The following TRAPPC2L variants were observed in gnomAD, a reference collection of about 807,000 sequenced individuals.
The protein encoded by TRAPPC2L is trafficking protein particle complex subunit 2-like protein.
Under a neutral mutation model 13.2 loss-of-function variants are expected in TRAPPC2L, and 17 were observed. The observed-to-expected ratio is 1.29, with a 90% CI of 0.88 to 1.93. The LOEUF (loss-of-function observed/expected upper bound fraction) is 1.93, where lower values mean the gene tolerates loss of function less well. Among genes scored for constraint, TRAPPC2L ranks in the 30% most tolerant of loss-of-function variants. The pLI, the probability that TRAPPC2L is intolerant of heterozygous loss-of-function variation, is 0.00. For missense variants in TRAPPC2L, 359 were observed against 252.1 expected (o/e 1.42, Z -2.87); for synonymous variants, 150 against 98.1 (o/e 1.53, Z -3.12).
At chr16:88,861,001 A>T in exon 4 of TRAPPC2L, 1 of 1,554,402 alleles carries the variant, frequency 6.4e-7, no homozygotes, top group Non-Finnish European at 8.7e-7. Context: ...CCCGCGCACG[A>T]CTGTGGTGGG....
At chr16:88,861,251 CA>C in exon 4 of TRAPPC2L, 5 of 459,920 alleles carry the variant, frequency 1.1e-5, no homozygotes, top group South Asian at 1.1e-4. Context: ...GGGGCAGAGG[CA>C]GGGGTGCCTG....
exon 4 of TRAPPC2L, chr16:88,860,293 C>T (rs1459882008): frequency 1.1e-5 from 8 of 699,600 alleles, no homozygotes; most frequent in Non-Finnish European, 1.8e-5. Flanking sequence ...CAGTGGCTTT[C>T]AGGGATCACA....
chr16:88,857,268 G>C (rs751859196), intron 1 of TRAPPC2L, 85 bp downstream of exon 1: 2 of 1,291,868 alleles, frequency 1.5e-6, no homozygotes, highest in Non-Finnish European at 1.0e-6. Flanking sequence ...GGCTTAGAAG[G>C]CACCTTAGGA....
At position 88,858,800 on chromosome 16, in the gene TRAPPC2L, C is replaced by T. The variant is rs1209396472; in HGVS notation, c.206+9C>T. On this transcript the variant is annotated intron_variant, in intron 2 of 3. Coordinates refer to ENST00000565504, the Ensembl canonical transcript of TRAPPC2L. The stretch of plus-strand genomic sequence containing the variant: ...ACGGAGGACTACAAGGTGTATCTTT[C>T]AGGGCAGGGTGTGTGTCAGGGAGGA... 6.8e-6 allele frequency: 11 copies of T among 1,611,294 alleles called. No homozygotes were observed. The highest frequency in any genetic ancestry group is 1.3e-5 in the African/African-American group (1 of 74,882).
At chr16:88,856,975 A>G, upstream of TRAPPC2L, 1 of 1,396,542 alleles carries the variant, frequency 7.2e-7, no homozygotes, top group Non-Finnish European at 9.2e-7. Flanking sequence ...CTGGACGGCC[A>G]CGTGACTCGC....
upstream of TRAPPC2L, chr16:88,856,269 G>A (rs1399736015): frequency 1.4e-6 from 1 of 703,054 alleles, no homozygotes. Flanking sequence ...CCCAGCGGGG[G>A]GACCCGGCGG....
chr16:88,858,653 A>C, exon 2 of TRAPPC2L: 1 of 1,613,418 alleles, frequency 6.2e-7, no homozygotes. Flanking sequence ...ACCCCTACGG[A>C]GAACGAGCTG....
chr16:88,860,817 G>T, exon 4 of TRAPPC2L: 1 of 1,366,798 alleles, frequency 7.3e-7, no homozygotes, highest in South Asian at 1.2e-5. Flanking sequence ...AGAAGGTCCC[G>T]AGCATCCTGT....
exon 4 of TRAPPC2L, chr16:88,860,826 G>T: frequency 7.0e-7 from 1 of 1,431,860 alleles, no homozygotes. Context: ...CGAGCATCCT[G>T]TGGATGGAGC....
chr16:88,861,458 T>G, exon 4 of TRAPPC2L: 1 of 347,534 alleles, frequency 2.9e-6, no homozygotes, highest in Non-Finnish European at 5.7e-6. Flanking sequence ...TCTTTGCATC[T>G]GGCTCAATGT....
intron 1 of TRAPPC2L, 197 bp downstream of exon 1, chr16:88,857,380 G>C (rs957271186): frequency 1.3e-5 from 7 of 529,578 alleles, no homozygotes; most frequent in Non-Finnish European, 2.3e-5. Context: ...TTCCGCGCTC[G>C]CCCGTCCCGC....
At chr16:88,856,457 G>C, upstream of TRAPPC2L, 1 of 700,462 alleles carries the variant, frequency 1.4e-6, no homozygotes, top group Middle Eastern at 2.5e-4. Context: ...CCACCTGCCA[G>C]GGAGGACGCT....
intron 1 of TRAPPC2L, 158 bp downstream of exon 1, chr16:88,857,341 C>T (rs1968003961): frequency 1.5e-6 from 1 of 650,622 alleles, no homozygotes; most frequent in Non-Finnish European, 2.5e-6. Context: ...GTGGACGAGC[C>T]GCCAGGCAGA....
chr16:88,860,594 A>C, exon 4 of TRAPPC2L: 1 of 585,738 alleles, frequency 1.7e-6, no homozygotes, highest in Non-Finnish European at 3.0e-6. Flanking sequence ...GGGAGCAGGC[A>C]GGCGAATGTC....
chr16:88,856,587 C>CT (rs1340611911), upstream of TRAPPC2L: 1 of 611,370 alleles, frequency 1.6e-6, no homozygotes, highest in Non-Finnish European at 3.0e-6. Context: ...GGATACCCCC[C>CT]GTCCCCTCCC....
chr16:88,857,844 C>T (rs955707860), intron 1 of TRAPPC2L, among the ~76,000 whole-genome samples: 1 of 152,248 alleles, frequency 6.6e-6, no homozygotes. Flanking sequence ...AAGGCTAAGA[C>T]TGAGCTGGGT....
At chr16:88,856,448 C>A, upstream of TRAPPC2L, 1 of 700,610 alleles carries the variant, frequency 1.4e-6, no homozygotes, top group Non-Finnish European at 2.6e-6. Context: ...GCCGGCCACC[C>A]ACCTGCCAGG....
At chr16:88,860,528 A>C (rs1214627574) in exon 4 of TRAPPC2L, 2 of 594,636 alleles carry the variant, frequency 3.4e-6, no homozygotes, top group African/African-American at 3.7e-5. Flanking sequence ...GCAGTGATCC[A>C]AGGCAGGCCC....
chr16:88,859,776 G>A (rs368885755), intron 3 of TRAPPC2L, 26 bp downstream of exon 3: 12 of 1,599,156 alleles, frequency 7.5e-6, no homozygotes, highest in African/African-American at 4.0e-5. Context: ...AGAGGGCCAC[G>A]CCCGAGTGGG....
Sources: gnomAD v4.1 joint callset for allele counts (sites outside exome capture counted in the v4.1 genomes callset) on GRCh38, gnomAD v4.1.1 for gene constraint, MANE v1.5 for transcripts, NCBI Gene and HGNC (gene_info 2026-07-23, HGNC 2026-07-21) for gene names.